The following IQGAP2 variants were observed in gnomAD, a reference collection of about 807,000 sequenced individuals.
IQGAP2 encodes ras GTPase-activating-like protein IQGAP2.
In IQGAP2, 173 loss-of-function variants were observed where a neutral mutation model predicts 201.3. The observed-to-expected ratio is 0.86, with a 90% CI of 0.76 to 0.98. The LOEUF (loss-of-function observed/expected upper bound fraction) is 0.98. Ranked by LOEUF, IQGAP2 falls within the 50% of genes least tolerant of loss-of-function variation. IQGAP2 has a pLI of 0.00. For synonymous variants in IQGAP2, 675 were observed against 673.9 expected, an observed-to-expected ratio of 1.00 and a Z score of -0.03; for missense variants, 1,687 against 1,864.8, an observed-to-expected ratio of 0.90 and a Z score of 1.76.
At chr5:76,666,935 A>G (rs1357705277) in intron 22 of IQGAP2, among the ~76,000 whole-genome samples, 1 of 152,116 alleles carries the variant, frequency 6.6e-6, no homozygotes, top group African/African-American at 2.4e-5. Context: ...TTGTAGAGAC[A>G]GGGTTTTTCC....
chr5:76,525,463 ATT>A (rs777810101), intron 2 of IQGAP2, among the ~76,000 whole-genome samples: 1 of 148,110 alleles, frequency 6.8e-6, no homozygotes, highest in Admixed American at 6.8e-5. Context: ...TTTCCAGTGA[ATT>A]TTTTTTTTTT....
In IQGAP2 at chr5:76,698,051, C is replaced by T; in HGVS notation, c.4271C>T (p.Thr1424Ile). The T allele has an allele frequency of 6.2e-7, 1 of 1,612,616 alleles. No individual in the cohort carries two copies. Among genetic ancestry groups the T allele is most frequent in the South Asian group, 1.1e-5 (1 of 91,004 alleles). The change falls in exon 33 of 36, where the codon ACC becomes ATC. Residue 1424 changes from threonine (T) to isoleucine (I), a missense_variant. By Grantham distance (89) the Thr-to-Ile change is moderately conservative. Transcript: ENST00000274364. ...GCTGAATTGGCAAAACTTCAGCAGA[C>T]CCTGAATGCACTTAACAAGAAGGCA... ...RKAELAKLQQTLNALNKKAAF... is the reference protein window; with the variant it reads ...RKAELAKLQQILNALNKKAAF...
chr5:76,639,701 A>G lies in IQGAP2; in HGVS notation c.1924-1232A>G, dbSNP rs557990616. On this transcript the variant is annotated intron_variant, in intron 16 of 35. Coordinates refer to ENST00000274364, the MANE Select transcript of IQGAP2 (RefSeq NM_006633.5). The stretch of plus-strand genomic sequence containing the variant: ...GGCAGTATTGCAGACAGAATCACCA[A>G]TGCAGTATTTACTAAAACTTAGAGG... Among the ~76,000 whole-genome samples, 5 of 152,348 alleles carry G rather than the reference A, an allele frequency of 3.3e-5. No homozygotes were observed. In the South Asian group the frequency reaches 6.2e-4, roughly 19 times the overall value.
At chr5:76,635,313 A>G (rs1475433760) in intron 15 of IQGAP2, among the ~76,000 whole-genome samples, 3 of 152,236 alleles carry the variant, frequency 2.0e-5, no homozygotes, top group African/African-American at 7.2e-5. Context: ...GTCAGCTGCT[A>G]TCAAGTGAGC....
At position 76,620,115 on chromosome 5, in the gene IQGAP2, CCACT is replaced by C. The variant is rs2069667; in HGVS notation, c.1522-7292_1522-7289del. ...CAGAAATATAATCTGTTATTTTAAGCCACTCAGTTTGTAATGATTTGATATAGCA... is the reference window on the plus strand; with the variant it reads ...CAGAAATATAATCTGTTATTTTAAGCCAGTTTGTAATGATTTGATATAGCA... On this transcript the variant is annotated intron_variant, in intron 13 of 35. Coordinates refer to ENST00000274364, the MANE Select transcript of IQGAP2 (RefSeq NM_006633.5). Among the ~76,000 whole-genome samples, 701 of 152,246 alleles carry C rather than the reference CCACT, an allele frequency of 4.6e-3. 3 individuals carry two copies. The highest frequency in any genetic ancestry group is 0.016 in the African/African-American group (666 of 41,512).
intron 1 of IQGAP2, among the ~76,000 whole-genome samples, chr5:76,428,604 A>G (rs569870271): frequency 1.3e-5 from 2 of 150,374 alleles, no homozygotes; most frequent in Non-Finnish European, 1.5e-5. Context: ...CTAATTTTGC[A>G]TTTTTTTTAG....
At chr5:76,469,535 G>A (rs1465732394) in intron 2 of IQGAP2, among the ~76,000 whole-genome samples, 1 of 152,040 alleles carries the variant, frequency 6.6e-6, no homozygotes, top group South Asian at 2.1e-4. Context: ...CTCCCAAGTA[G>A]CTAGGATTAC....
intron 17 of IQGAP2, among the ~76,000 whole-genome samples, chr5:76,644,220 A>C: frequency 6.6e-6 from 1 of 151,814 alleles, no homozygotes; most frequent in Non-Finnish European, 1.5e-5. Flanking sequence ...AACAAAACAA[A>C]TAAGATGGCT....
At chr5:76,520,721 T>TTG (rs61528719) in intron 2 of IQGAP2, among the ~76,000 whole-genome samples, 1 of 149,320 alleles carries the variant, frequency 6.7e-6, no homozygotes, top group East Asian at 2.0e-4. Context: ...TTTTTTTTTT[T>TTG]GAAACGGAGT....
chr5:76,525,989 T>C (rs564114992), intron 2 of IQGAP2, among the ~76,000 whole-genome samples: 1 of 152,310 alleles, frequency 6.6e-6, no homozygotes, highest in East Asian at 1.9e-4. Context: ...AAATGCTAAA[T>C]TGTAGAGGCT....
At chr5:76,513,849 T>C (rs1758137897) in intron 2 of IQGAP2, among the ~76,000 whole-genome samples, 1 of 152,146 alleles carries the variant, frequency 6.6e-6, no homozygotes, top group Admixed American at 6.5e-5. Context: ...AACTATGGAT[T>C]ATAGTTATTA....
chr5:76,403,540 C>T lies in IQGAP2; in HGVS notation c.-6C>T, dbSNP rs1194538809. ...CGCCCCGGGCGGGCCCCCGGAGACG[C>T]GCAGGATGCCACACGAAGAGCTGCC... On this transcript the variant is annotated 5_prime_UTR_variant, in exon 1 of 36. Transcript: ENST00000274364. The surrounding 1 kb of genome is among the most constrained non-coding windows in gnomAD (Gnocchi z 4.8). 5.3e-6 allele frequency: 8 copies of T among 1,516,130 alleles called. No homozygotes were observed. Among genetic ancestry groups the T allele is most frequent in the African/African-American group, 1.4e-5 (1 of 69,944 alleles). 93.9% of individuals were successfully genotyped at this position (1,516,130 alleles called of 1,614,324 possible).
At chr5:76,658,856 T>TA (rs1337969286) in intron 21 of IQGAP2, among the ~76,000 whole-genome samples, 189 bp downstream of exon 21, 2 of 152,246 alleles carry the variant, frequency 1.3e-5, no homozygotes, top group South Asian at 4.2e-4. Flanking sequence ...GGCTATATGG[T>TA]AAAAAAGCCT....
At chr5:76,440,998 T>G (rs1424367232) in intron 1 of IQGAP2, among the ~76,000 whole-genome samples, 2 of 150,460 alleles carry the variant, frequency 1.3e-5, no homozygotes, top group African/African-American at 4.9e-5. Flanking sequence ...ACCATTGCAC[T>G]TCAGCCTGGG....
intron 1 of IQGAP2, among the ~76,000 whole-genome samples, chr5:76,426,382 G>A (rs1344108883): frequency 6.6e-6 from 1 of 152,200 alleles, no homozygotes; most frequent in African/African-American, 2.4e-5. Flanking sequence ...ATAAGGATGG[G>A]TCTGTGCAAT....
intron 33 of IQGAP2, chr5:76,699,609 C>G (rs1391393093): frequency 7.9e-5 from 1 of 12,652 alleles, no homozygotes; most frequent in Non-Finnish European, 1.7e-4. Context: ...CTCTGTTTCT[C>G]TCTCTCTCTC....
chr5:76,531,553 A>G (rs957531561), intron 2 of IQGAP2, among the ~76,000 whole-genome samples: 3 of 152,216 alleles, frequency 2.0e-5, no homozygotes, highest in Non-Finnish European at 4.4e-5. Context: ...ACCTCCCATT[A>G]GGCTGCACCT....
At chr5:76,418,188 C>T (rs544193782) in intron 1 of IQGAP2, among the ~76,000 whole-genome samples, 31 of 121,476 alleles carry the variant, frequency 2.6e-4, no homozygotes, top group Middle Eastern at 6.9e-3. Flanking sequence ...GCCTGGGTGA[C>T]AGAGAGAGAC....
At chr5:76,618,264 A>G in intron 13 of IQGAP2, 1 of 1,614,222 alleles carries the variant, frequency 6.2e-7, no homozygotes, top group African/African-American at 1.3e-5. Flanking sequence ...AGCTATCTTA[A>G]AGGGCAATGT....
Sources: allele counts gnomAD v4.1 joint callset (sites outside exome capture counted in the v4.1 genomes callset), GRCh38; gene constraint gnomAD v4.1.1; non-coding constraint Gnocchi (gnomAD v3.1); transcripts MANE v1.5; gene names NCBI Gene and HGNC (gene_info 2026-07-23, HGNC 2026-07-21).